Variants in CNTN4 observed in about 807,000 individuals in gnomAD.
CNTN4 encodes the protein contactin-4.
A neutral mutation model predicts 122.5 loss-of-function variants in CNTN4; 77 were observed. The ratio of observed to expected loss-of-function variants is 0.63; its 90% CI spans 0.52 to 0.76. The LOEUF (loss-of-function observed/expected upper bound fraction) is 0.76, where lower values mean the gene tolerates loss of function less well. Among genes scored for constraint, CNTN4 ranks in the 30% least tolerant of loss-of-function variants. CNTN4 has a pLI of 0.00. For missense variants in CNTN4, 1,256 were observed against 1,259.1 expected, an observed-to-expected ratio of 1.00 and a Z score of 0.04; for synonymous variants, 512 against 447.0, an observed-to-expected ratio of 1.15 and a Z score of -1.83.
At chr3:2,275,919 C>CAAAAAAAAAAAAAAA (rs767326367) in intron 2 of CNTN4, among the ~76,000 whole-genome samples, 1 of 107,058 alleles carries the variant, frequency 9.3e-6, no homozygotes, top group African/African-American at 4.0e-5. Flanking sequence ...GACTCTGTCT[C>CAAAAAAAAAAAAAAA]AAAAAAAAAA....
At chr3:2,956,830 T>C (rs77515121) in intron 13 of CNTN4, among the ~76,000 whole-genome samples, 8,282 of 152,292 alleles carry the variant, frequency 0.054, 333 homozygotes, top group Non-Finnish European at 0.077. Context: ...ACCATGGCTC[T>C]ACTTTCTGCT....
chr3:2,896,749 T>C (rs2094119156), intron 10 of CNTN4, among the ~76,000 whole-genome samples: 1 of 152,112 alleles, frequency 6.6e-6, no homozygotes, highest in African/African-American at 2.4e-5. Flanking sequence ...TGTATATAGG[T>C]GGTAAACTAA....
chr3:2,518,068 A>G (rs2077088862), intron 3 of CNTN4, among the ~76,000 whole-genome samples: 1 of 151,972 alleles, frequency 6.6e-6, no homozygotes, highest in African/African-American at 2.4e-5. Flanking sequence ...GCTGTTGTTA[A>G]CCTCTCTTGT....
intron 3 of CNTN4, among the ~76,000 whole-genome samples, chr3:2,488,073 A>G (rs985339442): frequency 1.3e-5 from 2 of 152,294 alleles, no homozygotes; most frequent in Admixed American, 6.5e-5. Flanking sequence ...TAAACTATAT[A>G]TAGTTATCCC....
chr3:2,331,229 A>G (rs1339835543), intron 2 of CNTN4, among the ~76,000 whole-genome samples: 1 of 152,018 alleles, frequency 6.6e-6, no homozygotes. Flanking sequence ...ATGGGCTTCA[A>G]TTTTTTTTGA....
rs982077568 is a variant in CNTN4, at chr3:3,053,701, A to G, written c.2812-106A>G. 21 of 1,131,276 alleles carry G rather than the reference A, an allele frequency of 1.9e-5. No homozygotes were observed. The African/African-American group carries it at 2.6e-4, about 14-fold the overall frequency. The allele number at this position is 1,131,276 out of a possible 1,614,324, so 70.1% of individuals were successfully genotyped here. On this transcript the variant is annotated intron_variant, in intron 23 of 24. Transcript: ENST00000418658. ...GCAAGTGGGCAGCCAGACAACCTCTACATCCCTGCATTTTGCTCGTGCCCA... is the reference window on the plus strand; with the variant it reads ...GCAAGTGGGCAGCCAGACAACCTCTGCATCCCTGCATTTTGCTCGTGCCCA...
intron 2 of CNTN4, among the ~76,000 whole-genome samples, chr3:2,184,701 C>T (rs1449052722): frequency 2.6e-5 from 4 of 152,136 alleles, no homozygotes; most frequent in African/African-American, 9.7e-5. Flanking sequence ...CATGTAAGGA[C>T]ACAACCTCAT....
intron 6 of CNTN4, among the ~76,000 whole-genome samples, chr3:2,793,840 A>G (rs1252250790): frequency 6.6e-6 from 1 of 152,214 alleles, no homozygotes; most frequent in Non-Finnish European, 1.5e-5. Context: ...CTGAGACATT[A>G]AAAGGGCCCA....
chr3:2,916,986 C>T (rs1431935472), intron 12 of CNTN4, among the ~76,000 whole-genome samples: 3 of 128,792 alleles, frequency 2.3e-5, no homozygotes, highest in Non-Finnish European at 3.4e-5. Context: ...GCCGAGATCA[C>T]GCCACTGCAC....
chr3:2,300,969 C>T (rs2042494368), intron 2 of CNTN4, among the ~76,000 whole-genome samples: 1 of 152,164 alleles, frequency 6.6e-6, no homozygotes, highest in Non-Finnish European at 1.5e-5. Context: ...CTTGATTTAC[C>T]TGCAGGAAGT....
In CNTN4 at chr3:2,394,784, G is replaced by GTTTT. The variant is rs56027529; in HGVS notation, c.-89+55570_-89+55573dup. 4.8e-3 allele frequency among the ~76,000 whole-genome samples: 521 copies of GTTTT among 108,498 alleles called. 6 individuals carry two copies. The highest frequency in any genetic ancestry group is 7.1e-3 in the Non-Finnish European group (392 of 54,952). 71.2% of individuals were successfully genotyped at this position (108,498 alleles called of 152,430 possible). ...CATGTCTACAACAAACCTTATATTA[G>GTTTT]TTTTTTTTTTTTTTTTTTTTTTGAG... On this transcript the variant is annotated intron_variant, in intron 3 of 24. Transcript: ENST00000418658.
intron 3 of CNTN4, among the ~76,000 whole-genome samples, chr3:2,500,292 C>A (rs1270733642): frequency 1.3e-5 from 2 of 152,050 alleles, no homozygotes; most frequent in African/African-American, 4.8e-5. Flanking sequence ...TCTTTTCACC[C>A]TTAAAAATCC....
chr3:2,596,800 C>G (rs1237927375), intron 4 of CNTN4, among the ~76,000 whole-genome samples: 6 of 152,062 alleles, frequency 3.9e-5, no homozygotes, highest in Admixed American at 3.9e-4. Flanking sequence ...GCCATTCTAT[C>G]CATGTAATTT....
intron 13 of CNTN4, among the ~76,000 whole-genome samples, chr3:2,954,660 A>G (rs7611903): frequency 0.026 from 4,021 of 151,974 alleles, 157 homozygotes; most frequent in African/African-American, 0.089. Context: ...TTAAGCCTGG[A>G]ATGGATAGCA....
chr3:2,548,256 A>G (rs556020554), intron 3 of CNTN4, among the ~76,000 whole-genome samples: 12 of 152,150 alleles, frequency 7.9e-5, no homozygotes, highest in Non-Finnish European at 1.5e-4. Context: ...GCCCATGCCT[A>G]TCTCCTCAAT....
chr3:2,355,211 GTT>G (rs1269539839), intron 3 of CNTN4, among the ~76,000 whole-genome samples: 3 of 152,160 alleles, frequency 2.0e-5, no homozygotes, highest in Non-Finnish European at 4.4e-5. Flanking sequence ...TTTTGTTCGT[GTT>G]TAAGGACAGT....
intron 6 of CNTN4, among the ~76,000 whole-genome samples, chr3:2,778,632 G>C: frequency 6.6e-6 from 1 of 152,132 alleles, no homozygotes; most frequent in East Asian, 1.9e-4. Context: ...TTATAGTGAT[G>C]AACTCCTTTC....
intron 3 of CNTN4, among the ~76,000 whole-genome samples, chr3:2,505,555 A>T (rs912391927): frequency 3.3e-5 from 5 of 152,204 alleles, no homozygotes; most frequent in Admixed American, 6.5e-5. Flanking sequence ...GTGAATTTGC[A>T]AACTGTTTAA....
chr3:2,797,626 C>G (rs1212199027), intron 6 of CNTN4, among the ~76,000 whole-genome samples: 1 of 152,128 alleles, frequency 6.6e-6, no homozygotes, highest in Non-Finnish European at 1.5e-5. Context: ...CAAAAGCAAA[C>G]TCCAAAGAGT....
Sources: allele counts gnomAD v4.1 joint callset (sites outside exome capture counted in the v4.1 genomes callset), GRCh38; gene constraint gnomAD v4.1.1; transcripts MANE v1.5; gene names NCBI Gene and HGNC (gene_info 2026-07-23, HGNC 2026-07-21).